Variants in HAUS6 observed in about 807,000 individuals in gnomAD.
HAUS6 encodes the protein HAUS augmin-like complex subunit 6.
In HAUS6, 80 loss-of-function variants were observed where a neutral mutation model predicts 106.8. That is an observed-to-expected ratio of 0.75 (90% CI 0.63 to 0.90). The LOEUF (loss-of-function observed/expected upper bound fraction) is 0.90, where lower values mean the gene tolerates loss of function less well. Among genes scored for constraint, HAUS6 ranks in the 40% least tolerant of loss-of-function variants. The pLI, the probability that HAUS6 is intolerant of heterozygous loss-of-function variation, is 0.00. For missense variants in HAUS6, 1,155 were observed against 1,118.1 expected (o/e 1.03, Z -0.47); for synonymous variants, 356 against 379.1 (o/e 0.94, Z 0.71).
chr9:19,074,575 T>C (rs1398510643), intron 11 of HAUS6, among the ~76,000 whole-genome samples: 3 of 152,098 alleles, frequency 2.0e-5, no homozygotes, highest in African/African-American at 2.4e-5. Context: ...CCCAGCCCTA[T>C]GCAGACTTTT....
chr9:19,054,681 G>A lies in HAUS6; in HGVS notation c.*1662C>T, dbSNP rs1836432818. On this transcript the variant is annotated 3_prime_UTR_variant, in exon 17 of 17. Coordinates refer to ENST00000380502, the MANE Select transcript of HAUS6 (RefSeq NM_017645.5). ...TACCAATCTCTACCCAAGTATATAT[G>A]CAACAACGTACCTGCTTCTTAAAAG... 1 of 152,194 alleles carries A rather than the reference G, an allele frequency of 6.6e-6. No individual in the cohort carries two copies. Among genetic ancestry groups the A allele is most frequent in the South Asian group, 2.1e-4 (1 of 4,832 alleles). The allele number at this position is 152,194 out of a possible 1,614,324, so 9.4% of individuals were successfully genotyped here. A position where few individuals can be genotyped will look rare whatever the true frequency, so the allele number is the denominator to read the frequency against.
In HAUS6 at chr9:19,102,846, A is replaced by G. The variant is rs988256152; in HGVS notation, c.-195T>C. On this transcript the variant is annotated 5_prime_UTR_variant, in exon 1 of 17. Coordinates refer to ENST00000380502, the MANE Select transcript of HAUS6 (RefSeq NM_017645.5). The stretch of plus-strand genomic sequence containing the variant: ...TCCGGGAAATTGAGTTTCTAACGGT[A>G]TAGTGCGGCCACCACTGCCTCAGCG... The G allele has an allele frequency of 5.7e-6, 3 of 526,006 alleles. No individual in the cohort carries two copies. Among genetic ancestry groups the G allele is most frequent in the Non-Finnish European group, 1.0e-5 (3 of 299,920 alleles). 32.6% of individuals were successfully genotyped at this position (526,006 alleles called of 1,614,324 possible).
intron 15 of HAUS6, among the ~76,000 whole-genome samples, 184 bp from the exon 16 acceptor site, chr9:19,059,185 C>A (rs59684119): frequency 1.3e-5 from 2 of 152,350 alleles, no homozygotes; most frequent in East Asian, 1.9e-4. Context: ...CCATCTCCAA[C>A]TGCTCGCACA....
intron 4 of HAUS6, among the ~76,000 whole-genome samples, chr9:19,090,612 C>T (rs757100952): frequency 1.3e-5 from 2 of 152,220 alleles, no homozygotes; most frequent in African/African-American, 4.8e-5. Flanking sequence ...ATCCGCCCGC[C>T]CTGACCTCCC....
At chr9:19,077,985 C>T (rs907021601) in intron 10 of HAUS6, among the ~76,000 whole-genome samples, 191 bp downstream of exon 10, 6 of 151,924 alleles carry the variant, frequency 3.9e-5, no homozygotes, top group Non-Finnish European at 5.9e-5. Context: ...TGCTTGAGCC[C>T]GGAAGTTCAA....
chr9:19,060,305 G>C (rs1836579585), intron 14 of HAUS6, 82 bp from the exon 15 acceptor site: 2 of 1,091,204 alleles, frequency 1.8e-6, no homozygotes, highest in African/African-American at 3.2e-5. Flanking sequence ...AGGATAATAA[G>C]CACTTCACAG....
intron 10 of HAUS6, among the ~76,000 whole-genome samples, chr9:19,077,856 T>A (rs1240870938): frequency 6.6e-6 from 1 of 150,668 alleles, no homozygotes; most frequent in Non-Finnish European, 1.5e-5. Context: ...AGCCCAGGAG[T>A]TTGAGACCAG....
intron 1 of HAUS6, among the ~76,000 whole-genome samples, chr9:19,100,869 T>C (rs967270071): frequency 2.6e-5 from 4 of 151,930 alleles, no homozygotes; most frequent in African/African-American, 7.3e-5. Flanking sequence ...TTCTCACATG[T>C]GAAAGCAAAA....
chr9:19,059,824 A>T (rs1836568545), intron 15 of HAUS6, among the ~76,000 whole-genome samples: 2 of 152,124 alleles, frequency 1.3e-5, no homozygotes, highest in Admixed American at 6.6e-5. Context: ...CTCAAATAAG[A>T]TCTTTCTAGA....
intron 12 of HAUS6, among the ~76,000 whole-genome samples, chr9:19,069,007 CTCT>C (rs1020085215): frequency 1.9e-4 from 29 of 152,040 alleles, no homozygotes; most frequent in African/African-American, 6.5e-4. Flanking sequence ...AAGCATGGAA[CTCT>C]TCTTATCGAA....
rs1836439327 is a variant in HAUS6, at chr9:19,055,044, T to C, written c.*1299A>G. 1 of 152,244 alleles carries C rather than the reference T, an allele frequency of 6.6e-6. No homozygotes were observed. The highest frequency in any genetic ancestry group is 2.4e-5 in the African/African-American group (1 of 41,458). 9.4% of individuals were successfully genotyped at this position (152,244 alleles called of 1,614,324 possible). A position where few individuals can be genotyped will look rare whatever the true frequency, so the allele number is the denominator to read the frequency against. ...TTCCATTGCAAAGAAGGTAGTTACA[T>C]GTGCTTTCTTTTGTCTTTTCTCACA... On this transcript the variant is annotated 3_prime_UTR_variant, in exon 17 of 17. Coordinates refer to ENST00000380502, the MANE Select transcript of HAUS6 (RefSeq NM_017645.5).
chr9:19,057,924 C>A, intron 16 of HAUS6, 37 bp downstream of exon 16: 1 of 1,271,060 alleles, frequency 7.9e-7, no homozygotes, highest in Non-Finnish European at 1.1e-6. Flanking sequence ...GAGAAAACTT[C>A]AACAGGTGAA....
At chr9:19,078,683 G>A (rs1221433341) in intron 9 of HAUS6, among the ~76,000 whole-genome samples, 1 of 151,926 alleles carries the variant, frequency 6.6e-6, no homozygotes, top group Non-Finnish European at 1.5e-5. Flanking sequence ...AGCTACTAAG[G>A]AGGCTGAGGT....
At chr9:19,098,769 TC>T (rs1488903918) in intron 1 of HAUS6, among the ~76,000 whole-genome samples, 2 of 151,990 alleles carry the variant, frequency 1.3e-5, no homozygotes, top group Non-Finnish European at 2.9e-5. Context: ...ACGCCTGTAA[TC>T]CCAGCACTCT....
intron 2 of HAUS6, among the ~76,000 whole-genome samples, chr9:19,096,302 C>G (rs1011211645): frequency 6.6e-6 from 1 of 152,068 alleles, no homozygotes; most frequent in Non-Finnish European, 1.5e-5. Context: ...TGGTGGCTCA[C>G]GCCTGTAATC....
At chr9:19,080,438 C>G in intron 9 of HAUS6, 41 bp downstream of exon 9, 1 of 1,350,358 alleles carries the variant, frequency 7.4e-7, no homozygotes, top group Non-Finnish European at 1.1e-6. Context: ...GAAAACCACC[C>G]TACTCCTCCC....
chr9:19,093,384 G>A (rs1287034562), intron 3 of HAUS6, 81 bp from the exon 4 acceptor site: 3 of 1,231,106 alleles, frequency 2.4e-6, no homozygotes, highest in Non-Finnish European at 3.5e-6. Flanking sequence ...TTTTGTTAAA[G>A]GGTGTGACAG....
At position 19,093,209 on chromosome 9, in the gene HAUS6, C is replaced by T. The variant is rs142253364; in HGVS notation, c.398G>A (p.Arg133Lys). The stretch of plus-strand genomic sequence containing the variant: ...TTTAATATATTTCATTGCAACAAAT[C>T]TTGCAAAATGATACATCAGATGAAT... ...KFIHLMYHFA[R>K]FVAMKYIKSN... The change falls in exon 4 of 17, where the codon AGA becomes AAA. Residue 133 changes from arginine to lysine, a missense_variant. Physicochemically the swap from Arg to Lys is conservative, Grantham distance 26. This residue lies in a region of HAUS6 where 761 missense variants were observed against 690.0 expected (regional missense o/e 1.10). Coordinates refer to ENST00000380502, the MANE Select transcript of HAUS6 (RefSeq NM_017645.5). 3.7e-6 allele frequency: 6 copies of T among 1,601,500 alleles called. No homozygotes were observed. In the African/African-American group the frequency reaches 8.1e-5, roughly 22 times the overall value.
Position 19,083,039 on chromosome 9 carries a change from C to G in HAUS6, c.704G>C (p.Arg235Pro), listed in dbSNP as rs776356511. Reference sequence around the variant, plus strand: ...TTCATTCACTGAAGCCCACAAAGACCGAACCTTTGGAAACAGAAACAAAAT... The same window carrying G: ...TTCATTCACTGAAGCCCACAAAGACGGAACCTTTGGAAACAGAAACAAAAT... ...SNMEEKIQKV[R>P]SLWASVNETL... The change falls in exon 8 of 17, where the codon CGG (arginine) becomes CCG (proline). Residue 235 changes from arginine (R) to proline (P), a missense_variant. Coordinates refer to ENST00000380502, the MANE Select transcript of HAUS6 (RefSeq NM_017645.5). 2 of 1,575,138 alleles carry G rather than the reference C, an allele frequency of 1.3e-6. No homozygotes were observed. Among genetic ancestry groups the G allele is most frequent in the Non-Finnish European group, 8.6e-7 (1 of 1,164,820 alleles).
Sources: gnomAD v4.1 joint callset for allele counts (sites outside exome capture counted in the v4.1 genomes callset) on GRCh38, gnomAD v4.1.1 for gene constraint, gnomAD v4.1.1 regional missense constraint, MANE v1.5 for transcripts, NCBI Gene and HGNC (gene_info 2026-07-23, HGNC 2026-07-21) for gene names.